ABI3BP: variants seen among roughly 807,000 people sequenced by gnomAD.
The protein encoded by ABI3BP is target of Nesh-SH3.
ABI3BP carries 216 observed loss-of-function variants against 268.6 expected under a neutral mutation model. That is an observed-to-expected ratio of 0.80 (90% CI 0.72 to 0.90). ABI3BP has a LOEUF of 0.90. Among genes scored for constraint, ABI3BP ranks in the 40% least tolerant of loss-of-function variants. ABI3BP has a pLI of 0.00. For missense variants in ABI3BP, 2,090 were observed against 2,182.4 expected (o/e 0.96, Z 0.84); for synonymous variants, 730 against 730.0 (o/e 1.00, Z 0.00).
chr3:100,770,108 G>A (rs564858068), intron 62 of ABI3BP, among the ~76,000 whole-genome samples: 1 of 152,244 alleles, frequency 6.6e-6, no homozygotes, highest in Admixed American at 6.5e-5. Context: ...CATGCTATTT[G>A]CTATATCCTC....
intron 36 of ABI3BP, among the ~76,000 whole-genome samples, chr3:100,823,959 A>G (rs868506628): frequency 6.6e-6 from 1 of 152,206 alleles, no homozygotes; most frequent in Non-Finnish European, 1.5e-5. Context: ...AAAAGTAATC[A>G]TTGAAGTGGA....
At chr3:100,955,002 C>CA (rs71618740) in intron 1 of ABI3BP, among the ~76,000 whole-genome samples, 123,410 of 123,618 alleles carry the variant, frequency 1, 61,603 homozygotes, top group Middle Eastern at 1. Context: ...TTTTTTTTTA[C>CA]GAATCATAAA....
chr3:100,844,569 C>T, intron 20 of ABI3BP: 1 of 467,520 alleles, frequency 2.1e-6, no homozygotes, highest in Non-Finnish European at 2.8e-6. Context: ...ATTTGCTCTT[C>T]CAAACCTTGG....
intron 1 of ABI3BP, among the ~76,000 whole-genome samples, chr3:100,991,639 A>G (rs1255139950): frequency 1.3e-5 from 2 of 152,232 alleles, no homozygotes; most frequent in Non-Finnish European, 2.9e-5. Context: ...CCAATAAAGA[A>G]AAAACATAAT....
chr3:100,874,028 T>C (rs1451578779), intron 9 of ABI3BP, among the ~76,000 whole-genome samples: 1 of 152,174 alleles, frequency 6.6e-6, no homozygotes. Context: ...TTCTTCCAAA[T>C]TTATTAACAG....
At chr3:100,850,362 A>G (rs755314057) in intron 16 of ABI3BP, among the ~76,000 whole-genome samples, 2 of 152,234 alleles carry the variant, frequency 1.3e-5, no homozygotes, top group Admixed American at 6.5e-5. Flanking sequence ...AAAGTGACAC[A>G]GGCCACAAAC....
intron 22 of ABI3BP, 111 bp downstream of exon 22, chr3:100,840,709 A>C: frequency 1.1e-6 from 1 of 932,312 alleles, no homozygotes; most frequent in Non-Finnish European, 1.6e-6. Context: ...GCACTCACAC[A>C]CACACACAAA....
chr3:100,761,469 T>TG (rs1292110035), intron 63 of ABI3BP, among the ~76,000 whole-genome samples: 1 of 152,156 alleles, frequency 6.6e-6, no homozygotes. Flanking sequence ...GCTGCACCCA[T>TG]GTGGCTCTCT....
chr3:100,828,447 C>G lies in ABI3BP; in HGVS notation c.2548G>C (p.Ala850Pro), dbSNP rs527415180. ...PEELQTELVPATIFEPVSPIK... is the reference protein window; with the variant it reads ...PEELQTELVPPTIFEPVSPIK... ...GGAGAAACTGGTTCAAAGATTGTAG[C>G]AGGAACTGGCCAAAAATAATAAAAA... Residue 850 changes from alanine to proline, a missense_variant, in exon 34 of 68, where the codon GCT (alanine) becomes CCT (proline). Ala to Pro is a conservative substitution (Grantham distance 27). Transcript: ENST00000471714. 5.9e-6 allele frequency: 9 copies of G among 1,534,536 alleles called. No homozygotes were observed. In the South Asian group the frequency reaches 1.1e-4, roughly 18 times the overall value.
At chr3:100,970,818 A>G (rs1236017553) in intron 1 of ABI3BP, among the ~76,000 whole-genome samples, 2 of 152,186 alleles carry the variant, frequency 1.3e-5, no homozygotes, top group African/African-American at 2.4e-5. Context: ...CAAGTGCCCA[A>G]GAAGCATGGG....
At chr3:100,825,737 A>G in intron 35 of ABI3BP, 48 bp downstream of exon 35, 2 of 1,421,528 alleles carry the variant, frequency 1.4e-6, no homozygotes, top group Non-Finnish European at 1.9e-6. Flanking sequence ...CTGTACAACA[A>G]GCAGCAAAAG....
intron 6 of ABI3BP, among the ~76,000 whole-genome samples, chr3:100,883,194 C>T (rs1340929450): frequency 6.7e-6 from 1 of 148,474 alleles, no homozygotes; most frequent in East Asian, 2.0e-4. Context: ...AAAATCAAAC[C>T]ACTTATAAAA....
chr3:100,985,332 G>T (rs1273506319), intron 1 of ABI3BP, among the ~76,000 whole-genome samples: 2 of 151,426 alleles, frequency 1.3e-5, no homozygotes, highest in African/African-American at 4.9e-5. Context: ...TGTATTTTTA[G>T]TAGAGACAGG....
chr3:100,931,743 T>C (rs1318412721), intron 1 of ABI3BP, among the ~76,000 whole-genome samples: 2 of 152,042 alleles, frequency 1.3e-5, no homozygotes, highest in Admixed American at 1.3e-4. Flanking sequence ...TGCTCATGAA[T>C]AGGAAGAATC....
intron 29 of ABI3BP, 148 bp from the exon 30 acceptor site, chr3:100,833,305 G>A: frequency 1.5e-6 from 1 of 681,092 alleles, no homozygotes; most frequent in Non-Finnish European, 2.4e-6. Flanking sequence ...TCTCAAGTGA[G>A]GGTACATATT....
chr3:100,963,241 G>A (rs1483693632), intron 1 of ABI3BP, among the ~76,000 whole-genome samples: 1 of 152,130 alleles, frequency 6.6e-6, no homozygotes, highest in Non-Finnish European at 1.5e-5. Context: ...AAGTGGCAGG[G>A]TTGAGATTTG....
chr3:100,827,284 G>A (rs2098405328), intron 34 of ABI3BP, among the ~76,000 whole-genome samples: 1 of 152,140 alleles, frequency 6.6e-6, no homozygotes, highest in African/African-American at 2.4e-5. Flanking sequence ...AAAAAGGGAA[G>A]ATCCTGCAGG....
chr3:100,791,112 T>C (rs966329471), intron 55 of ABI3BP, among the ~76,000 whole-genome samples: 1 of 151,852 alleles, frequency 6.6e-6, no homozygotes, highest in African/African-American at 2.4e-5. Flanking sequence ...GAGCTAAGGA[T>C]ATAAGAAAAA....
At chr3:100,754,252 G>C (rs2095498052) in intron 64 of ABI3BP, among the ~76,000 whole-genome samples, 2 of 152,274 alleles carry the variant, frequency 1.3e-5, no homozygotes, top group South Asian at 2.1e-4. Context: ...TTAAGGAATT[G>C]GAGATTGTAA....
Sources: allele counts gnomAD v4.1 joint callset (sites outside exome capture counted in the v4.1 genomes callset), GRCh38; gene constraint gnomAD v4.1.1; transcripts MANE v1.5; gene names NCBI Gene and HGNC (gene_info 2026-07-23, HGNC 2026-07-21).